Variants in ULK4 observed in about 807,000 individuals in gnomAD.
ULK4 encodes unc-51 like kinase 4.
A neutral mutation model predicts 160.6 loss-of-function variants in ULK4; 133 were observed. The ratio of observed to expected loss-of-function variants is 0.83; its 90% CI spans 0.72 to 0.96. ULK4 has a LOEUF of 0.96. Ranked by LOEUF, ULK4 falls within the 40% of genes least tolerant of loss-of-function variation. The probability of loss-of-function intolerance (pLI) is 0.00; values close to 1 mark genes in which losing one functional copy is unlikely to be tolerated. For missense variants in ULK4, 1,580 were observed against 1,499.5 expected (o/e 1.05, Z -0.89); for synonymous variants, 534 against 539.8 (o/e 0.99, Z 0.15).
chr3:41,738,297 A>G (rs1278587524), intron 22 of ULK4, among the ~76,000 whole-genome samples: 1 of 151,950 alleles, frequency 6.6e-6, no homozygotes, highest in Non-Finnish European at 1.5e-5. Flanking sequence ...AAATCATCAT[A>G]GCCCTGGCAT....
At chr3:41,949,128 G>A (rs528231950) in intron 2 of ULK4, among the ~76,000 whole-genome samples, 176 of 151,918 alleles carry the variant, frequency 1.2e-3, no homozygotes, top group Middle Eastern at 3.4e-3. Context: ...CCAACATGGT[G>A]AAACCCCGTC....
intron 7 of ULK4, 81 bp downstream of exon 7, chr3:41,918,376 A>G (rs1167684455): frequency 4.4e-6 from 4 of 906,790 alleles, no homozygotes; most frequent in Non-Finnish European, 4.9e-6. Context: ...TTATGAATCA[A>G]TAAAAGCAAA....
At chr3:41,320,757 A>G (rs1428120887) in intron 35 of ULK4, among the ~76,000 whole-genome samples, 1 of 148,876 alleles carries the variant, frequency 6.7e-6, no homozygotes, top group Admixed American at 6.8e-5. Context: ...TCTCTGCTAT[A>G]AATACAAAAA....
chr3:41,865,967 A>G (rs567909318), intron 17 of ULK4, among the ~76,000 whole-genome samples: 1 of 152,342 alleles, frequency 6.6e-6, no homozygotes, highest in East Asian at 1.9e-4. Flanking sequence ...AAGATACCAT[A>G]AAATAAAAAG....
chr3:41,891,492 A>G (rs1697964172), intron 16 of ULK4, among the ~76,000 whole-genome samples: 1 of 152,046 alleles, frequency 6.6e-6, no homozygotes. Flanking sequence ...AGGGAAAAAA[A>G]AAAAAAAGGT....
Position 41,540,947 on chromosome 3 carries a change from T to G in ULK4, c.3226+25078A>C, listed in dbSNP as rs143924346. 9.2e-5 allele frequency among the ~76,000 whole-genome samples: 14 copies of G among 152,326 alleles called. No individual in the cohort carries two copies. In the East Asian group the frequency reaches 2.5e-3, roughly 27 times the overall value. On this transcript the variant is annotated intron_variant, in intron 32 of 36. Coordinates refer to ENST00000301831, the MANE Select transcript of ULK4 (RefSeq NM_017886.4). The stretch of plus-strand genomic sequence containing the variant: ...GGATATTATCCCTTTGTCAGACAGA[T>G]AGAGTGCAAAAATTTTCTCCCATTC...
chr3:41,304,227 C>G (rs1041355220), intron 35 of ULK4, among the ~76,000 whole-genome samples: 3 of 143,262 alleles, frequency 2.1e-5, no homozygotes, highest in Non-Finnish European at 4.5e-5. Context: ...GAGCCAAGAT[C>G]GCGCCATTGC....
chr3:41,247,783 C>T (rs1010706406), intron 36 of ULK4, among the ~76,000 whole-genome samples: 2 of 152,204 alleles, frequency 1.3e-5, no homozygotes, highest in African/African-American at 4.8e-5. Flanking sequence ...GGCCATGCTG[C>T]GCCCCCGCAC....
chr3:41,812,039 G>A (rs1408111114), intron 19 of ULK4, among the ~76,000 whole-genome samples: 3 of 152,062 alleles, frequency 2.0e-5, no homozygotes, highest in Admixed American at 6.6e-5. Flanking sequence ...TCCTTCCAGC[G>A]CTTTGGGAAG....
rs546685444 is a variant in ULK4 at position 41,650,461 on chromosome 3, C to T, written c.3071+13146G>A. On this transcript the variant is annotated intron_variant, in intron 30 of 36. Coordinates refer to ENST00000301831, the MANE Select transcript of ULK4 (RefSeq NM_017886.4). ...ACCTCCAAGCTTCTGGATGCTACCACGTTCCCCAGTGCCCACAGTGGAGGC... is the reference window on the plus strand; with the variant it reads ...ACCTCCAAGCTTCTGGATGCTACCATGTTCCCCAGTGCCCACAGTGGAGGC... Among the ~76,000 whole-genome samples the T allele has an allele frequency of 2.0e-5, 3 of 152,352 alleles. No individual in the cohort carries two copies. In the East Asian group the frequency reaches 5.8e-4, roughly 29 times the overall value.
At chr3:41,697,003 C>A (rs1272258211) in intron 27 of ULK4, among the ~76,000 whole-genome samples, 1 of 152,184 alleles carries the variant, frequency 6.6e-6, no homozygotes, top group Non-Finnish European at 1.5e-5. Context: ...GGAAGGAACA[C>A]AGCCATACTG....
chr3:41,691,912 A>G (rs2036312571), intron 27 of ULK4, among the ~76,000 whole-genome samples: 1 of 150,270 alleles, frequency 6.7e-6, no homozygotes, highest in South Asian at 2.1e-4. Flanking sequence ...AAAAGGACAA[A>G]GCCCTAAAAA....
chr3:41,407,463 T>A (rs1346335994), intron 34 of ULK4, among the ~76,000 whole-genome samples: 1 of 152,112 alleles, frequency 6.6e-6, no homozygotes, highest in Non-Finnish European at 1.5e-5. Context: ...AGAATATACA[T>A]GCCAAAACCC....
intron 1 of ULK4, among the ~76,000 whole-genome samples, chr3:41,956,717 G>T (rs4973899): frequency 0.82 from 124,695 of 152,186 alleles, 55,110 homozygotes; most frequent in Non-Finnish European, 0.98. Context: ...CAAGTATCAT[G>T]AATACTACTG....
intron 32 of ULK4, among the ~76,000 whole-genome samples, chr3:41,513,003 C>T (rs542824847): frequency 3.2e-3 from 22 of 6,780 alleles, no homozygotes; most frequent in East Asian, 0.02. Flanking sequence ...TACTAATCAG[C>T]TAACTGATTT....
intron 32 of ULK4, among the ~76,000 whole-genome samples, chr3:41,560,554 A>C (rs996305458): frequency 3.7e-4 from 56 of 151,432 alleles, no homozygotes; most frequent in African/African-American, 1.3e-3. Context: ...AGTGGTTTGT[A>C]GTTCTCCTTG....
intron 31 of ULK4, among the ~76,000 whole-genome samples, chr3:41,578,552 T>C (rs9849899): frequency 0.03 from 4,591 of 152,290 alleles, 244 homozygotes; most frequent in African/African-American, 0.11. Flanking sequence ...TAATCTTTTG[T>C]GTCTTTACTG....
chr3:41,253,158 AG>A (rs1207545175), intron 35 of ULK4, among the ~76,000 whole-genome samples: 1 of 152,144 alleles, frequency 6.6e-6, no homozygotes, highest in Non-Finnish European at 1.5e-5. Context: ...AATTTACTAA[AG>A]GAAGTTCTTC....
At chr3:41,716,779 C>G (rs2037281811) in intron 23 of ULK4, among the ~76,000 whole-genome samples, 1 of 152,116 alleles carries the variant, frequency 6.6e-6, no homozygotes, top group African/African-American at 2.4e-5. Flanking sequence ...ATTTTAATTT[C>G]TGCAAATAAC....
Sources: allele counts gnomAD v4.1 joint callset (sites outside exome capture counted in the v4.1 genomes callset), GRCh38; gene constraint gnomAD v4.1.1; transcripts MANE v1.5; gene names NCBI Gene and HGNC (gene_info 2026-07-23, HGNC 2026-07-21).